VAV2: variants seen among roughly 807,000 people sequenced by gnomAD.
VAV2 encodes the protein guanine nucleotide exchange factor VAV2.
Under a neutral mutation model 132.5 loss-of-function variants are expected in VAV2, and 67 were observed. The observed-to-expected ratio is 0.51, with a 90% CI of 0.42 to 0.62. The LOEUF (loss-of-function observed/expected upper bound fraction) is 0.62. VAV2 is among the 20% of genes least tolerant of loss of function. VAV2 has a pLI of 0.00. For synonymous variants in VAV2, 492 were observed against 443.5 expected, an observed-to-expected ratio of 1.11 and a Z score of -1.37; for missense variants, 938 against 1,153.6, an observed-to-expected ratio of 0.81 and a Z score of 2.71.
At chr9:133,880,145 G>A (rs1231397730) in intron 2 of VAV2, among the ~76,000 whole-genome samples, 1 of 152,222 alleles carries the variant, frequency 6.6e-6, no homozygotes, top group East Asian at 1.9e-4. Context: ...CAGGAAGAGG[G>A]GCTAGGCATC....
chr9:133,862,441 C>T (rs982103808), intron 2 of VAV2, among the ~76,000 whole-genome samples: 11 of 152,230 alleles, frequency 7.2e-5, no homozygotes, highest in African/African-American at 2.7e-4. Context: ...GAGGCAGGTG[C>T]GGCCTCGACA....
intron 2 of VAV2, among the ~76,000 whole-genome samples, chr9:133,872,314 G>A (rs1040131145): frequency 2.0e-5 from 3 of 152,342 alleles, no homozygotes; most frequent in Middle Eastern, 3.4e-3. Flanking sequence ...CAGCACCCAC[G>A]TCCTCCATGT....
chr9:133,969,197 C>T lies in VAV2; in HGVS notation c.204+22878G>A, dbSNP rs1012355960. On this transcript the variant is annotated intron_variant, in intron 1 of 29. Transcript: ENST00000371850. The surrounding 1 kb of genome is among the most constrained non-coding windows in gnomAD (Gnocchi z 5.1). ...GACGAGAGCTGGATTCCACCGTGCC[C>T]GCCGGGCCTGCGAGGACGAGCCTCT... Among the ~76,000 whole-genome samples, 16 of 152,186 alleles carry T rather than the reference C, an allele frequency of 1.1e-4. No homozygotes were observed. Among genetic ancestry groups the T allele is most frequent in the Admixed American group, 2.0e-4 (3 of 15,294 alleles).
At chr9:133,897,200 A>G (rs1839244952) in intron 2 of VAV2, among the ~76,000 whole-genome samples, 2 of 152,196 alleles carry the variant, frequency 1.3e-5, no homozygotes, top group Admixed American at 6.5e-5. Flanking sequence ...AGGACGCGGG[A>G]AAATGAGCTG....
chr9:133,783,859 T>C (rs13292058), intron 18 of VAV2, among the ~76,000 whole-genome samples: 60,118 of 145,896 alleles, frequency 0.41, 14,068 homozygotes, highest in South Asian at 0.51. Context: ...TCTGAAACTC[T>C]AAGGGCTTGG....
At chr9:133,930,381 G>GCTGCATCCTGGCCTCCACC (rs1840639890) in intron 2 of VAV2, among the ~76,000 whole-genome samples, 1 of 148,316 alleles carries the variant, frequency 6.7e-6, no homozygotes, top group African/African-American at 2.5e-5. Flanking sequence ...CTGCCTCCTT[G>GCTGCATCCTGGCCTCCACC]CTGCCTCCTG....
Position 133,770,555 on chromosome 9 carries a change from C to A in VAV2, c.2224-54G>T. 1.9e-6 allele frequency: 3 copies of A among 1,601,450 alleles called. No individual in the cohort carries two copies. In the South Asian group the frequency reaches 3.3e-5, roughly 18 times the overall value. On this transcript the variant is annotated intron_variant, in intron 26 of 29. Transcript: ENST00000371850. ...TGCTGCCACCTCCAGGAAGTCCTCC[C>A]CCAGTGACCTGGCCTCCCTCTCCCA... is the stretch of plus-strand genomic sequence containing the variant.
intron 4 of VAV2, among the ~76,000 whole-genome samples, chr9:133,818,124 G>C (rs925784928): frequency 2.6e-5 from 4 of 152,148 alleles, no homozygotes; most frequent in Non-Finnish European, 4.4e-5. Context: ...CAGCACTTTG[G>C]GGGGCCGAGG....
intron 1 of VAV2, among the ~76,000 whole-genome samples, chr9:133,985,049 T>C (rs1842812367): frequency 3.3e-5 from 5 of 152,158 alleles, no homozygotes; most frequent in Admixed American, 3.3e-4. Flanking sequence ...GCAGCACTGA[T>C]ATAGACAGAA....
intron 2 of VAV2, among the ~76,000 whole-genome samples, chr9:133,915,962 C>T (rs919609558): frequency 1.2e-4 from 12 of 102,668 alleles, no homozygotes; most frequent in African/African-American, 2.4e-4. Context: ...GATGCACACA[C>T]GTACACATAC....
chr9:133,834,542 C>T lies in VAV2; in HGVS notation c.381-202G>A, dbSNP rs1836388589. 3.3e-5 allele frequency among the ~76,000 whole-genome samples: 5 copies of T among 152,374 alleles called. 1 individual carries two copies. In the South Asian group the frequency reaches 1.0e-3, roughly 32 times the overall value. ...AACTGGGCCATAGGGCAAGAGGAGA[C>T]CCATGCCTACTTGCCAGGGGGCAAG... On this transcript the variant is annotated intron_variant, in intron 3 of 29. Coordinates refer to ENST00000371850, the MANE Select transcript of VAV2 (RefSeq NM_001134398.2). The surrounding 1 kb of genome is among the most constrained non-coding windows in gnomAD (Gnocchi z 5.9).
chr9:133,909,148 T>C (rs1839784678), intron 2 of VAV2, among the ~76,000 whole-genome samples: 1 of 152,018 alleles, frequency 6.6e-6, no homozygotes. Flanking sequence ...AGAGGAAGCA[T>C]TTGATGAAGA....
chr9:133,783,621 G>A (rs372753276), intron 18 of VAV2, 30 bp from the exon 19 acceptor site: 239 of 1,610,152 alleles, frequency 1.5e-4, no homozygotes, highest in Non-Finnish European at 1.7e-4. Flanking sequence ...AGGTGAGGTC[G>A]AGGCTGGGGT....
chr9:133,850,174 G>A (rs934798162), intron 3 of VAV2, among the ~76,000 whole-genome samples: 1 of 152,198 alleles, frequency 6.6e-6, no homozygotes, highest in African/African-American at 2.4e-5. Context: ...ACAAGCTCAG[G>A]GCTAAGGAAC....
intron 3 of VAV2, among the ~76,000 whole-genome samples, chr9:133,853,309 G>A (rs1837258708): frequency 6.6e-6 from 1 of 152,122 alleles, no homozygotes. Context: ...CAAGCATGGG[G>A]AGAGGGTCCT....
intron 19 of VAV2, among the ~76,000 whole-genome samples, chr9:133,783,135 G>T (rs761372980): frequency 2.7e-4 from 41 of 152,196 alleles, no homozygotes; most frequent in East Asian, 1.9e-4. Context: ...AGAACCCAGG[G>T]TGACCGGTGT....
chr9:133,769,467 G>C lies in VAV2; in HGVS notation c.2384C>G (p.Pro795Arg). Residue 795 changes from proline (P) to arginine (R), a missense_variant, in exon 28 of 30, where the codon CCT becomes CGT. Physicochemically the swap from Pro to Arg is moderately radical, Grantham distance 103. Transcript: ENST00000371850. This position sits in a 1 kb window ranked among gnomAD's most constrained non-coding sequence, Gnocchi z 8.1. ...CTGAGAAGCAAAGCTGAGGCCCTGA[G>C]GACTGAGAAAAGAAAAGTTGTAGGA... ...CASYNFSFLSPQGLSFASQGP... is the reference protein window; with the variant it reads ...CASYNFSFLSRQGLSFASQGP... 6.2e-7 allele frequency: 1 copy of C among 1,613,252 alleles called. No homozygotes were observed.
intron 1 of VAV2, among the ~76,000 whole-genome samples, chr9:133,960,598 A>G (rs1841935384): frequency 6.6e-6 from 1 of 152,212 alleles, no homozygotes; most frequent in African/African-American, 2.4e-5. Flanking sequence ...TGCGGAGAAA[A>G]CGGGAAGTAA....
chr9:133,965,305 T>C (rs1251827458), intron 1 of VAV2, among the ~76,000 whole-genome samples: 2 of 151,106 alleles, frequency 1.3e-5, no homozygotes, highest in Non-Finnish European at 2.9e-5. Context: ...CTGGCCAACA[T>C]GGTGAAACCC....
Sources: gnomAD v4.1 joint callset for allele counts (sites outside exome capture counted in the v4.1 genomes callset) on GRCh38, gnomAD v4.1.1 for gene constraint, Gnocchi (gnomAD v3.1) non-coding constraint, MANE v1.5 for transcripts, NCBI Gene and HGNC (gene_info 2026-07-23, HGNC 2026-07-21) for gene names.